Variants in BACH2 observed in about 807,000 individuals in gnomAD.
BACH2 encodes the protein BACH transcriptional regulator 2, also known as transcription regulator protein BACH2.
A neutral mutation model predicts 61.8 loss-of-function variants in BACH2; 5 were observed. That is an observed-to-expected ratio of 0.08 (90% CI 0.04 to 0.17). The LOEUF (loss-of-function observed/expected upper bound fraction) is 0.17. BACH2 is among the 10% of genes least tolerant of loss of function. The pLI is 1.00. For synonymous variants in BACH2, 446 were observed against 440.1 expected (o/e 1.01, Z -0.17); for missense variants, 824 against 1,091.1 (o/e 0.76, Z 3.45).
intron 5 of BACH2, among the ~76,000 whole-genome samples, chr6:90,031,359 C>T (rs377432685): frequency 0.013 from 1,935 of 151,980 alleles, 36 homozygotes; most frequent in African/African-American, 0.044. Context: ...GCCAGGGCAA[C>T]CAGGCAGGAG....
intron 3 of BACH2, among the ~76,000 whole-genome samples, chr6:90,214,238 T>C (rs188855643): frequency 3.3e-5 from 5 of 152,314 alleles, no homozygotes; most frequent in Admixed American, 1.3e-4. Context: ...GGCTGAATTA[T>C]ATTCATCTAG....
chr6:90,258,062 A>G (rs680137), intron 2 of BACH2, among the ~76,000 whole-genome samples: 11,154 of 152,250 alleles, frequency 0.073, 1,310 homozygotes, highest in African/African-American at 0.25. Context: ...GGCGTGAGCC[A>G]CTGCGCCCAG....
intron 6 of BACH2, among the ~76,000 whole-genome samples, chr6:89,992,899 T>C (rs1054699969): frequency 3.9e-5 from 6 of 152,218 alleles, no homozygotes; most frequent in African/African-American, 1.2e-4. Flanking sequence ...ATCCCCAGTA[T>C]GATTCTATTT....
chr6:90,144,859 G>A (rs944397313), intron 4 of BACH2, among the ~76,000 whole-genome samples: 1 of 152,150 alleles, frequency 6.6e-6, no homozygotes, highest in African/African-American at 2.4e-5. Context: ...GCGATCATCC[G>A]TGATTGTAAA....
chr6:90,254,339 A>G (rs115391793), intron 2 of BACH2, among the ~76,000 whole-genome samples: 1,902 of 152,070 alleles, frequency 0.013, 46 homozygotes, highest in African/African-American at 0.043. Context: ...ATTACTTAAA[A>G]ATATTAAATA....
chr6:90,269,084 T>G (rs80188864), intron 2 of BACH2, among the ~76,000 whole-genome samples: 3,092 of 152,222 alleles, frequency 0.02, 126 homozygotes, highest in African/African-American at 0.071. Flanking sequence ...AAAATTAACT[T>G]CATTTTCATT....
intron 3 of BACH2, among the ~76,000 whole-genome samples, chr6:90,239,770 C>T (rs1479793555): frequency 6.7e-6 from 1 of 148,848 alleles, no homozygotes; most frequent in Non-Finnish European, 1.5e-5. Context: ...CACTGACATG[C>T]ATGATCTCCA....
chr6:90,187,980 CGGAAAATCACAAAGTTCAGAAGGTGCT>C (rs1433197282), intron 4 of BACH2, among the ~76,000 whole-genome samples: 1 of 152,128 alleles, frequency 6.6e-6, no homozygotes, highest in Non-Finnish European at 1.5e-5. Context: ...TCTCACTATG[CGGAAAATCACAAAGTTCAGAAGGTGCT>C]GGCAAGGGAG....
At chr6:89,948,483 C>T (rs1773880548) in intron 7 of BACH2, among the ~76,000 whole-genome samples, 1 of 152,166 alleles carries the variant, frequency 6.6e-6, no homozygotes, top group African/African-American at 2.4e-5. Flanking sequence ...GCTAGGATTA[C>T]AGGCCTGAGC....
chr6:90,129,321 T>C (rs1187311491), intron 4 of BACH2, among the ~76,000 whole-genome samples: 3 of 152,198 alleles, frequency 2.0e-5, no homozygotes, highest in African/African-American at 4.8e-5. Context: ...CCTACTTCTC[T>C]GTCACATATT....
intron 4 of BACH2, among the ~76,000 whole-genome samples, chr6:90,120,667 G>C (rs1002974208): frequency 6.6e-6 from 1 of 152,166 alleles, no homozygotes; most frequent in African/African-American, 2.4e-5. Context: ...ATTTTTGGGA[G>C]GAGTTCAGAA....
chr6:90,157,696 G>C (rs930552818), intron 4 of BACH2, among the ~76,000 whole-genome samples: 1 of 152,140 alleles, frequency 6.6e-6, no homozygotes, highest in Non-Finnish European at 1.5e-5. Context: ...CCAGCTGCCC[G>C]AGCAGATGGC....
intron 6 of BACH2, among the ~76,000 whole-genome samples, chr6:90,002,892 C>T (rs1223679456): frequency 1.3e-5 from 2 of 152,172 alleles, no homozygotes; most frequent in Non-Finnish European, 2.9e-5. Flanking sequence ...TAGTTGAGGC[C>T]CTAAGCCTGG....
intron 5 of BACH2, among the ~76,000 whole-genome samples, chr6:90,039,028 G>A (rs1779399336): frequency 1.4e-5 from 2 of 144,980 alleles, no homozygotes; most frequent in Non-Finnish European, 3.0e-5. Flanking sequence ...AAACAAGAGT[G>A]AAACTCCGTC....
At chr6:89,934,006 T>TA (rs1349712348) in intron 8 of BACH2, among the ~76,000 whole-genome samples, 3 of 149,414 alleles carry the variant, frequency 2.0e-5, no homozygotes, top group Non-Finnish European at 3.0e-5. Flanking sequence ...AAAAGTTTAT[T>TA]AAAAAAAAAG....
At chr6:90,071,224 G>T (rs979901048) in intron 5 of BACH2, among the ~76,000 whole-genome samples, 2 of 152,200 alleles carry the variant, frequency 1.3e-5, no homozygotes, top group African/African-American at 4.8e-5. Flanking sequence ...ATGAAATCAT[G>T]ACTCTTCCTT....
intron 6 of BACH2, among the ~76,000 whole-genome samples, chr6:89,960,908 G>A (rs1037653075): frequency 6.6e-6 from 1 of 152,220 alleles, no homozygotes; most frequent in Non-Finnish European, 1.5e-5. Flanking sequence ...TGCCCCTTAG[G>A]TATTTCTTTG....
rs954708301 is a variant in BACH2, at chr6:89,973,783, T to G, written c.244-21921A>C. ...AAATAGAGGAGTTCCCTGGCAAAGG[T>G]AGGTTCTTATGTAAGTTAAAGTGAT... On this transcript the variant is annotated intron_variant, in intron 6 of 8. Coordinates refer to ENST00000257749, the MANE Select transcript of BACH2 (RefSeq NM_021813.4). 2.0e-5 allele frequency among the ~76,000 whole-genome samples: 3 copies of G among 151,988 alleles called. No individual in the cohort carries two copies. In the South Asian group the frequency reaches 6.2e-4, roughly 32 times the overall value.
At chr6:90,156,096 AG>A (rs1784987648) in intron 4 of BACH2, among the ~76,000 whole-genome samples, 1 of 152,174 alleles carries the variant, frequency 6.6e-6, no homozygotes, top group Non-Finnish European at 1.5e-5. Flanking sequence ...GAAAAGTTCC[AG>A]GGGACCTAAT....
Sources: allele counts gnomAD v4.1 joint callset (sites outside exome capture counted in the v4.1 genomes callset), GRCh38; gene constraint gnomAD v4.1.1; transcripts MANE v1.5; gene names NCBI Gene and HGNC (gene_info 2026-07-23, HGNC 2026-07-21).